The following SUMF1 variants were observed in gnomAD, a reference collection of about 807,000 sequenced individuals.
The protein encoded by SUMF1 is sulfatase modifying factor 1.
Under a neutral mutation model 47.6 loss-of-function variants are expected in SUMF1, and 48 were observed. The observed-to-expected ratio is 1.01, with a 90% confidence interval of 0.80 to 1.28. The LOEUF (loss-of-function observed/expected upper bound fraction) is 1.28, where lower values mean the gene tolerates loss of function less well. Ranked by LOEUF, SUMF1 falls within the 50% of genes most tolerant of loss-of-function variation. SUMF1 has a pLI of 0.00. For synonymous variants in SUMF1, 230 were observed against 192.1 expected (o/e 1.20, Z -1.63); for missense variants, 571 against 485.4 (o/e 1.18, Z -1.66).
At chr3:4,235,963 G>T (rs780772313) in intron 8 of SUMF1, among the ~76,000 whole-genome samples, 27 of 151,924 alleles carry the variant, frequency 1.8e-4, no homozygotes, top group Admixed American at 3.9e-4. Flanking sequence ...ATTTTTTTGA[G>T]ACAGGGTCTG....
chr3:4,121,455 A>G (rs1411549407), intron 8 of SUMF1, among the ~76,000 whole-genome samples: 1 of 152,168 alleles, frequency 6.6e-6, no homozygotes, highest in Non-Finnish European at 1.5e-5. Flanking sequence ...CCAATCCTTT[A>G]AACATGATAG....
rs1271940154 is a variant in SUMF1, at chr3:4,344,023, A to G, written c.1014+32307T>C. Among the ~76,000 whole-genome samples, 4 of 152,254 alleles carry G rather than the reference A, an allele frequency of 2.6e-5. 1 individual carries two copies. Among genetic ancestry groups the G allele is most frequent in the Non-Finnish European group, 5.9e-5 (4 of 68,042 alleles). On this transcript the variant is annotated intron_variant and NMD_transcript_variant, in intron 8 of 12. Coordinates refer to the SUMF1 transcript ENST00000448413. Reference sequence around the variant, plus strand: ...AAATTAAATGAATAGCCTTTATAGTATGACTCAATTTTGTTTTATAAAAAC... The same window carrying G: ...AAATTAAATGAATAGCCTTTATAGTGTGACTCAATTTTGTTTTATAAAAAC...
intron 8 of SUMF1, among the ~76,000 whole-genome samples, chr3:4,201,862 C>G (rs371374701): frequency 6.6e-6 from 1 of 151,868 alleles, no homozygotes; most frequent in Non-Finnish European, 1.5e-5. Flanking sequence ...TTAATTTGCA[C>G]TTTTCTGATG....
At position 4,417,176 on chromosome 3, in the gene SUMF1, C is replaced by T; in HGVS notation, c.792G>A (p.Glu264=). ...GQHYANIWQG[E]FPVTNTGEDG... ...CCTCACCAGTGTTGGTCACCGGAAA[C>T]TCGCCCTGCCAAATGTTGGCATAAT... Residue 264 remains glutamate (E), a synonymous_variant, in exon 6 of 9, where the codon GAG becomes GAA. Coordinates refer to ENST00000272902, the MANE Select transcript of SUMF1 (RefSeq NM_182760.4). 1.2e-6 allele frequency: 2 copies of T among 1,614,064 alleles called. No individual in the cohort carries two copies. The highest frequency in any genetic ancestry group is 1.7e-6 in the Non-Finnish European group (2 of 1,179,946).
At chr3:4,417,584 T>C (rs998895857) in intron 5 of SUMF1, among the ~76,000 whole-genome samples, 5 of 152,198 alleles carry the variant, frequency 3.3e-5, no homozygotes, top group Admixed American at 3.3e-4. Flanking sequence ...CACTTTTTTA[T>C]AAAGCCTGGG....
chr3:4,180,458 C>T (rs1452520183), intron 8 of SUMF1, among the ~76,000 whole-genome samples: 1 of 151,962 alleles, frequency 6.6e-6, no homozygotes, highest in East Asian at 1.9e-4. Context: ...AAAACCAACA[C>T]CACATGTTCT....
intron 8 of SUMF1, among the ~76,000 whole-genome samples, chr3:4,132,055 C>T (rs959183274): frequency 2.6e-5 from 4 of 152,136 alleles, no homozygotes; most frequent in African/African-American, 9.7e-5. Flanking sequence ...GATCAGCCAG[C>T]TACCTGGTGG....
At chr3:4,306,687 C>G (rs1462404454) in intron 8 of SUMF1, among the ~76,000 whole-genome samples, 6 of 152,230 alleles carry the variant, frequency 3.9e-5, no homozygotes, top group Admixed American at 2.6e-4. Context: ...TCATGGAACA[C>G]AAAACCAGTC....
chr3:4,247,675 G>A (rs2125004876), intron 8 of SUMF1, among the ~76,000 whole-genome samples: 1 of 152,218 alleles, frequency 6.6e-6, no homozygotes, highest in African/African-American at 2.4e-5. Flanking sequence ...TAAAACTGGA[G>A]GCACAAATTT....
In SUMF1 at chr3:4,097,070, T is replaced by A. The variant is rs375214935; in HGVS notation, c.1015-28325A>T. ...AATTTTCAACTTCAAATTTCATTATTAAAACTTCTGGTTTAGTCAACAAGA... is the reference window on the plus strand; with the variant it reads ...AATTTTCAACTTCAAATTTCATTATAAAAACTTCTGGTTTAGTCAACAAGA... On this transcript the variant is annotated intron_variant and NMD_transcript_variant, in intron 8 of 12. Transcript: ENST00000448413. Among the ~76,000 whole-genome samples the A allele has an allele frequency of 7.0e-4, 107 of 152,284 alleles. 1 individual carries two copies. Among genetic ancestry groups the A allele is most frequent in the Admixed American group, 1.7e-3 (26 of 15,296 alleles).
chr3:4,396,427 C>T (rs545162184), intron 7 of SUMF1, among the ~76,000 whole-genome samples: 3 of 152,332 alleles, frequency 2.0e-5, no homozygotes, highest in Admixed American at 6.5e-5. Context: ...AGAGACTCCA[C>T]AGGATGAGCC....
chr3:4,126,767 G>A (rs1693663597), intron 8 of SUMF1, among the ~76,000 whole-genome samples: 1 of 152,064 alleles, frequency 6.6e-6, no homozygotes, highest in Non-Finnish European at 1.5e-5. Flanking sequence ...CAGTTAAATT[G>A]AAAAGATATT....
At chr3:4,165,632 C>A (rs1574942673) in intron 8 of SUMF1, among the ~76,000 whole-genome samples, 1 of 152,084 alleles carries the variant, frequency 6.6e-6, no homozygotes, top group Non-Finnish European at 1.5e-5. Context: ...AAAGGTCAAG[C>A]TGCAGGATAG....
At chr3:4,105,471 T>C (rs1462865368) in intron 8 of SUMF1, among the ~76,000 whole-genome samples, 2 of 152,020 alleles carry the variant, frequency 1.3e-5, no homozygotes, top group Non-Finnish European at 2.9e-5. Flanking sequence ...AAAGGAAAGG[T>C]CCAGATCTGA....
At position 4,446,859 on chromosome 3, in the gene SUMF1, A is replaced by G. The variant is rs188642748; in HGVS notation, c.519+2407T>C. The stretch of plus-strand genomic sequence containing the variant: ...AAACTAGGGGGTAAGGGGAAGCAAC[A>G]CAATGAAAGGGAAACCTGTAGAAGA... On this transcript the variant is annotated intron_variant, in intron 3 of 8. Coordinates refer to ENST00000272902, the MANE Select transcript of SUMF1 (RefSeq NM_182760.4). Among the ~76,000 whole-genome samples the G allele has an allele frequency of 4.6e-5, 7 of 152,348 alleles. No homozygotes were observed. The East Asian group carries it at 1.3e-3, about 29-fold the overall frequency.
intron 8 of SUMF1, among the ~76,000 whole-genome samples, chr3:4,338,531 G>A (rs1292083920): frequency 1.3e-5 from 2 of 152,290 alleles, no homozygotes; most frequent in African/African-American, 4.8e-5. Flanking sequence ...TACATGCTAA[G>A]TGGTGGGAAG....
intron 8 of SUMF1, among the ~76,000 whole-genome samples, chr3:4,306,406 G>A (rs1203054552): frequency 1.3e-5 from 2 of 152,196 alleles, no homozygotes; most frequent in Non-Finnish European, 2.9e-5. Flanking sequence ...TTTTAAAAGG[G>A]GAGAAAGGAG....
chr3:4,377,661 C>A (rs1328986293), intron 7 of SUMF1, among the ~76,000 whole-genome samples: 1 of 152,078 alleles, frequency 6.6e-6, no homozygotes, highest in East Asian at 1.9e-4. Flanking sequence ...GATAAAAGTT[C>A]AAAGGAAATG....
chr3:4,297,702 C>T (rs1697882414), intron 8 of SUMF1, among the ~76,000 whole-genome samples: 1 of 151,798 alleles, frequency 6.6e-6, no homozygotes, highest in African/African-American at 2.4e-5. Context: ...AGCCACTGTG[C>T]CTGGCCGTGA....
Sources: allele counts gnomAD v4.1 joint callset (sites outside exome capture counted in the v4.1 genomes callset), GRCh38; gene constraint gnomAD v4.1.1; transcripts MANE v1.5; gene names NCBI Gene and HGNC (gene_info 2026-07-23, HGNC 2026-07-21).